PHLPP2: variants seen among roughly 807,000 people sequenced by gnomAD.
The protein encoded by PHLPP2 is PH domain and leucine rich repeat protein phosphatase 2.
A neutral mutation model predicts 124.9 loss-of-function variants in PHLPP2; 66 were observed. The observed-to-expected ratio is 0.53, with a 90% CI of 0.43 to 0.65. The LOEUF is 0.65. PHLPP2 is among the 30% of genes least tolerant of loss of function. The pLI is 0.00. For missense variants in PHLPP2, 1,685 were observed against 1,600.4 expected, an observed-to-expected ratio of 1.05 and a Z score of -0.90; for synonymous variants, 681 against 624.7, an observed-to-expected ratio of 1.09 and a Z score of -1.34.
At chr16:71,678,448 C>A (rs2044967403) in intron 8 of PHLPP2, 1 of 273,270 alleles carries the variant, frequency 3.7e-6, no homozygotes, top group Non-Finnish European at 7.0e-6. Flanking sequence ...GACCTGCCTG[C>A]ACAACATGGT....
At chr16:71,699,362 T>A (rs949812202) in intron 3 of PHLPP2, among the ~76,000 whole-genome samples, 2 of 152,032 alleles carry the variant, frequency 1.3e-5, no homozygotes, top group African/African-American at 4.8e-5. Context: ...CTACAGCACC[T>A]CCCATCCTGT....
At chr16:71,698,437 G>C (rs550420340) in intron 3 of PHLPP2, 2 of 728,484 alleles carry the variant, frequency 2.7e-6, no homozygotes, top group Admixed American at 3.5e-5. Context: ...GGTGCAGATG[G>C]ACATGGTAAC....
chr16:71,720,693 T>C (rs931449835), intron 1 of PHLPP2, among the ~76,000 whole-genome samples: 2 of 151,628 alleles, frequency 1.3e-5, no homozygotes, highest in Non-Finnish European at 2.9e-5. Context: ...AGAGAAACCC[T>C]GTCTCTACTA....
At chr16:71,719,988 T>TTTTTTTTTTTG (rs869036837) in intron 1 of PHLPP2, among the ~76,000 whole-genome samples, 1 of 139,058 alleles carries the variant, frequency 7.2e-6, no homozygotes, top group Non-Finnish European at 1.6e-5. Flanking sequence ...TTTTTTTTTT[T>TTTTTTTTTTTG]GAGACGGAGT....
In PHLPP2 at chr16:71,646,122, G is replaced by C. The variant is rs1051523276; in HGVS notation, c.*2768C>G. 1 of 152,610 alleles carries C rather than the reference G, an allele frequency of 6.6e-6. No homozygotes were observed. Among genetic ancestry groups the C allele is most frequent in the African/African-American group, 2.4e-5 (1 of 41,424 alleles). 9.5% of individuals were successfully genotyped at this position (152,610 alleles called of 1,614,324 possible). ...AACACATCCTCTGGGTAAAGTACTC[G>C]GAAGTAAATTACATTCACCTGGAGA... On this transcript the variant is annotated 3_prime_UTR_variant, in exon 19 of 19. Coordinates refer to ENST00000568954, the MANE Select transcript of PHLPP2 (RefSeq NM_015020.3).
chr16:71,702,756 T>A, intron 2 of PHLPP2, 25 bp from the exon 3 acceptor site: 3 of 1,509,734 alleles, frequency 2.0e-6, no homozygotes, highest in Non-Finnish European at 2.7e-6. Flanking sequence ...CAAAAAAATA[T>A]ATATATTTGG....
Position 71,670,433 on chromosome 16 carries a change from T to C in PHLPP2, c.1533-1063A>G, listed in dbSNP as rs74472194. Among the ~76,000 whole-genome samples, 651 of 152,090 alleles carry C rather than the reference T, an allele frequency of 4.3e-3. 11 individuals carry two copies. The highest frequency in any genetic ancestry group is 0.015 in the African/African-American group (631 of 41,464). On this transcript the variant is annotated intron_variant, in intron 10 of 18. Coordinates refer to ENST00000568954, the MANE Select transcript of PHLPP2 (RefSeq NM_015020.3). Reference sequence around the variant, plus strand: ...GTATTAGCTAGCCAAGGAAAAAGCATGTTTGGAGAAAAGAGAGCAAAATTA... The same window carrying C: ...GTATTAGCTAGCCAAGGAAAAAGCACGTTTGGAGAAAAGAGAGCAAAATTA...
chr16:71,693,508 T>G (rs1371016210), intron 3 of PHLPP2, among the ~76,000 whole-genome samples: 7 of 152,158 alleles, frequency 4.6e-5, no homozygotes, highest in Admixed American at 6.6e-5. Context: ...AACAATTCCT[T>G]CCTATTCCCT....
intron 2 of PHLPP2, among the ~76,000 whole-genome samples, chr16:71,704,546 C>CA (rs1234806539): frequency 5.3e-5 from 8 of 151,792 alleles, no homozygotes; most frequent in Admixed American, 3.9e-4. Context: ...AAAAATAAAA[C>CA]AACCACCTGG....
At position 71,669,268 on chromosome 16, in the gene PHLPP2, C is replaced by A. The variant is rs748361624; in HGVS notation, c.1628+7G>T. The A allele has an allele frequency of 1.9e-6, 3 of 1,581,800 alleles. No homozygotes were observed. The African/African-American group carries it at 4.0e-5, about 21-fold the overall frequency. Reference sequence around the variant, plus strand: ...TATACATAATATATGCATCCAGGCACACATACCTCACGGGAACCTCTGTGA... The same window carrying A: ...TATACATAATATATGCATCCAGGCAAACATACCTCACGGGAACCTCTGTGA... On this transcript the variant is annotated splice_region_variant and intron_variant, in intron 11 of 18. Coordinates refer to ENST00000568954, the MANE Select transcript of PHLPP2 (RefSeq NM_015020.3).
At chr16:71,689,477 C>T (rs1169417520) in intron 4 of PHLPP2, among the ~76,000 whole-genome samples, 1 of 151,274 alleles carries the variant, frequency 6.6e-6, no homozygotes, top group East Asian at 1.9e-4. Context: ...ACCACAACCT[C>T]CGCCTCCCAG....
At position 71,658,248 on chromosome 16, in the gene PHLPP2, G is replaced by A. The variant is rs1261088801; in HGVS notation, c.2264C>T (p.Thr755Ile). The A allele has an allele frequency of 2.5e-6, 4 of 1,613,828 alleles. No individual in the cohort carries two copies. In the South Asian group the frequency reaches 4.4e-5, roughly 18 times the overall value. ...TTTTTCCTACCTAAATATGTCCAGT[G>A]TCTTGTGTTCCAGAACCAGATTTGT... ...GNTNLVLEHK[T>I]LDIFSHITTL... Residue 755 changes from threonine to isoleucine, a missense_variant, in exon 15 of 19, where the codon ACA becomes ATA. Transcript: ENST00000568954.
chr16:71,704,307 C>CAAAAAAAAAAAAAAAAAA (rs56882820), intron 2 of PHLPP2, among the ~76,000 whole-genome samples: 19 of 98,702 alleles, frequency 1.9e-4, no homozygotes, highest in African/African-American at 7.4e-4. Flanking sequence ...GACTCTGTCT[C>CAAAAAAAAAAAAAAAAAA]AAAAAAAAAA....
At chr16:71,716,686 C>T (rs528466259) in intron 1 of PHLPP2, among the ~76,000 whole-genome samples, 1 of 152,200 alleles carries the variant, frequency 6.6e-6, no homozygotes, top group Non-Finnish European at 1.5e-5. Flanking sequence ...AAGTACACCA[C>T]AATTCTGTGG....
intron 5 of PHLPP2, 114 bp from the exon 6 acceptor site, chr16:71,682,019 A>AG (rs2045004806): frequency 1.4e-6 from 1 of 726,530 alleles, no homozygotes; most frequent in East Asian, 2.8e-5. Context: ...TAGGAAAAAA[A>AG]AGGCAATAAG....
chr16:71,669,352 G>A lies in PHLPP2; in HGVS notation c.1551C>T (p.Val517=). Residue 517 remains valine, a synonymous_variant, in exon 11 of 19, where the codon GTC becomes GTT. Coordinates refer to ENST00000568954, the MANE Select transcript of PHLPP2 (RefSeq NM_015020.3). The part of the protein sequence containing the change: ...LDLSRNLLEC[V]PDWACEAKKI... Reference sequence around the variant, plus strand: ...TCTTTGCTTCACAGGCCCAGTCAGGGACACACTCTAGCAGGTTTCTGCAGA... The same window carrying A: ...TCTTTGCTTCACAGGCCCAGTCAGGAACACACTCTAGCAGGTTTCTGCAGA... 1 of 1,610,894 alleles carries A rather than the reference G, an allele frequency of 6.2e-7. No homozygotes were observed. Among genetic ancestry groups the A allele is most frequent in the Non-Finnish European group, 8.5e-7 (1 of 1,178,646 alleles).
At chr16:71,653,099 CTTTTTTTTTTTT>C in intron 17 of PHLPP2, 78 bp from the exon 18 acceptor site, 1 of 547,606 alleles carries the variant, frequency 1.8e-6, no homozygotes, top group Non-Finnish European at 3.1e-6. Context: ...TACATCCCTT[CTTTTTTTTTTTT>C]TTTTTTTTTA....
intron 13 of PHLPP2, among the ~76,000 whole-genome samples, 174 bp downstream of exon 13, chr16:71,663,725 C>A (rs1175865892): frequency 6.6e-6 from 1 of 152,120 alleles, no homozygotes; most frequent in South Asian, 2.1e-4. Flanking sequence ...GTTACCAATA[C>A]TTAACAGGGT....
intron 2 of PHLPP2, among the ~76,000 whole-genome samples, chr16:71,711,435 G>A (rs2045323600): frequency 6.6e-6 from 1 of 152,132 alleles, no homozygotes; most frequent in Non-Finnish European, 1.5e-5. Flanking sequence ...AAAAGTATGT[G>A]GGATTGAAAA....
Sources: gnomAD v4.1 joint callset for allele counts (sites outside exome capture counted in the v4.1 genomes callset) on GRCh38, gnomAD v4.1.1 for gene constraint, MANE v1.5 for transcripts, NCBI Gene and HGNC (gene_info 2026-07-23, HGNC 2026-07-21) for gene names.